Variants in GPATCH2L observed in about 807,000 individuals in gnomAD.
GPATCH2L encodes the protein G-patch domain containing 2 like, also known as G patch domain-containing protein 2-like.
GPATCH2L carries 31 observed loss-of-function variants against 57.4 expected under a neutral mutation model. The ratio of observed to expected loss-of-function variants is 0.54; its 90% CI spans 0.41 to 0.73. The LOEUF is 0.73. Among genes scored for constraint, GPATCH2L ranks in the 30% least tolerant of loss-of-function variants. The probability of loss-of-function intolerance (pLI) is 0.00; values close to 1 mark genes in which losing one functional copy is unlikely to be tolerated. For missense variants in GPATCH2L, 481 were observed against 599.9 expected, an observed-to-expected ratio of 0.80 and a Z score of 2.07; for synonymous variants, 199 against 210.7, an observed-to-expected ratio of 0.94 and a Z score of 0.48.
chr14:76,166,385 G>A (rs1393710146), intron 2 of GPATCH2L, among the ~76,000 whole-genome samples: 2 of 152,170 alleles, frequency 1.3e-5, no homozygotes, highest in Non-Finnish European at 2.9e-5. Context: ...TTGAGATTAC[G>A]TCTTTGAGCT....
chr14:76,223,522 G>T (rs1176551227), intron 1 of GPATCH2L, among the ~76,000 whole-genome samples: 2 of 152,084 alleles, frequency 1.3e-5, no homozygotes, highest in African/African-American at 4.8e-5. Context: ...CTTGGATGAG[G>T]TAATGGTTTA....
intron 3 of GPATCH2L, among the ~76,000 whole-genome samples, chr14:76,168,533 T>C (rs1309956156): frequency 6.6e-6 from 1 of 152,212 alleles, no homozygotes; most frequent in Non-Finnish European, 1.5e-5. Context: ...GGTTTACATC[T>C]ACTCAGTGTA....
chr14:76,228,532 C>T lies in GPATCH2L; in HGVS notation c.66-1276C>T, dbSNP rs1310822626. Among the ~76,000 whole-genome samples the T allele has an allele frequency of 2.6e-5, 4 of 152,176 alleles. No individual in the cohort carries two copies. The South Asian group carries it at 6.2e-4, about 24-fold the overall frequency. On this transcript the variant is annotated intron_variant and NMD_transcript_variant, in intron 1 of 3. Transcript: ENST00000556372. ...TTTGAGATTAGCGTTCTGTGGGTTG[C>T]ATCTGTAATAAGTCAGACAAGGGTT...
intron 2 of GPATCH2L, among the ~76,000 whole-genome samples, chr14:76,158,434 C>T (rs2038413487): frequency 6.6e-6 from 1 of 152,228 alleles, no homozygotes; most frequent in Non-Finnish European, 1.5e-5. Flanking sequence ...CATCACCTCT[C>T]ACTTTAACTC....
At chr14:76,188,682 T>G (rs1192604155) in intron 8 of GPATCH2L, among the ~76,000 whole-genome samples, 1 of 152,178 alleles carries the variant, frequency 6.6e-6, no homozygotes, top group Non-Finnish European at 1.5e-5. Flanking sequence ...GATTGTTTCC[T>G]TTGCTGTGCA....
At chr14:76,158,186 C>T (rs1408212499) in intron 2 of GPATCH2L, among the ~76,000 whole-genome samples, 1 of 152,000 alleles carries the variant, frequency 6.6e-6, no homozygotes, top group Non-Finnish European at 1.5e-5. Context: ...ATTCAGGAGC[C>T]TTCCTAAGGT....
chr14:76,154,869 C>T lies in GPATCH2L; in HGVS notation c.506C>T (p.Ser169Phe), dbSNP rs779973670. The change falls in exon 2 of 10, where the codon TCC (serine) becomes TTC (phenylalanine). Residue 169 changes from serine to phenylalanine, a missense_variant. Around this residue, in one of 3 missense-constraint regions of GPATCH2L, gnomAD observed 208 missense variants for 272.4 expected, o/e 0.76. Coordinates refer to ENST00000261530, the MANE Select transcript of GPATCH2L (RefSeq NM_017926.4). The surrounding 1 kb of genome is among the most constrained non-coding windows in gnomAD (Gnocchi z 4.4). Reference sequence around the variant, plus strand: ...AAGTCTGCTAAGAAGCAGCGTCTGTCCCGCTGGAAGGAGAATACTCCCTGG... The same window carrying T: ...AAGTCTGCTAAGAAGCAGCGTCTGTTCCGCTGGAAGGAGAATACTCCCTGG... ...RFKSAKKQRL[S>F]RWKENTPWTS... The T allele has an allele frequency of 1.9e-6, 3 of 1,614,170 alleles. No individual in the cohort carries two copies. In the Admixed American group the frequency reaches 5.0e-5, roughly 27 times the overall value.
Position 76,154,891 on chromosome 14 carries a change from C to T in GPATCH2L, c.528C>T (p.Pro176=), listed in dbSNP as rs1395941584. 6.2e-7 allele frequency: 1 copy of T among 1,614,182 alleles called. No individual in the cohort carries two copies. The highest frequency in any genetic ancestry group is 8.5e-7 in the Non-Finnish European group (1 of 1,179,998). The change falls in exon 2 of 10, where the codon CCC becomes CCT. Residue 176 remains proline (P), a synonymous_variant. Transcript: ENST00000261530. The surrounding 1 kb of genome is among the most constrained non-coding windows in gnomAD (Gnocchi z 4.4). ...TGTCCCGCTGGAAGGAGAATACTCC[C>T]TGGACCTCATCAGGCCACGGATTGT... ...QRLSRWKENT[P]WTSSGHGLCE...
chr14:76,158,940 T>C (rs2038441052), intron 2 of GPATCH2L, among the ~76,000 whole-genome samples: 1 of 152,118 alleles, frequency 6.6e-6, no homozygotes, highest in Non-Finnish European at 1.5e-5. Flanking sequence ...AAAGAAATAT[T>C]GGGATTGTTC....
intron 7 of GPATCH2L, 164 bp downstream of exon 7, chr14:76,178,206 A>G: frequency 6.8e-7 from 1 of 1,475,868 alleles, no homozygotes; most frequent in South Asian, 1.2e-5. Flanking sequence ...TTTTTATTTT[A>G]GTTTTGAACT....
intron 2 of GPATCH2L, among the ~76,000 whole-genome samples, chr14:76,158,865 A>G (rs1281635644): frequency 1.3e-5 from 2 of 152,204 alleles, no homozygotes; most frequent in South Asian, 2.1e-4. Context: ...TCGATATGAT[A>G]CTATTGTACT....
At chr14:76,155,703 A>G (rs1270873007) in intron 2 of GPATCH2L, among the ~76,000 whole-genome samples, 3 of 152,174 alleles carry the variant, frequency 2.0e-5, no homozygotes, top group African/African-American at 7.2e-5. Context: ...TATTTTTTAC[A>G]TCTCAGATAG....
At chr14:76,216,947 G>A (rs2040492559), downstream of GPATCH2L, among the ~76,000 whole-genome samples, 1 of 152,092 alleles carries the variant, frequency 6.6e-6, no homozygotes, top group Admixed American at 6.6e-5. Flanking sequence ...TAAAAATGAA[G>A]GGTGTTGAGA....
chr14:76,177,966 C>T, intron 6 of GPATCH2L, 22 bp from the exon 7 acceptor site: 1 of 1,602,008 alleles, frequency 6.2e-7, no homozygotes. Flanking sequence ...TTTATTTTAT[C>T]ATTTGGTTTC....
At position 76,201,768 on chromosome 14, in the gene GPATCH2L, A is replaced by G; in HGVS notation, c.1366A>G (p.Thr456Ala). The change falls in exon 10 of 10, where the codon ACC becomes GCC. Residue 456 changes from threonine (T) to alanine (A), a missense_variant. By Grantham distance (58) the Thr-to-Ala change is moderately conservative (BLOSUM62 0). Coordinates refer to ENST00000261530, the MANE Select transcript of GPATCH2L (RefSeq NM_017926.4). Reference protein sequence around the residue: ...KSPSSEWLVRTSAAEKATDAT... With the variant: ...KSPSSEWLVRASAAEKATDAT... The stretch of plus-strand genomic sequence containing the variant: ...ACCCAGCTCTGAGTGGTTGGTGAGG[A>G]CCTCTGCAGCAGAGAAAGCCACAGA... The G allele has an allele frequency of 6.2e-7, 1 of 1,614,006 alleles. No homozygotes were observed. Among genetic ancestry groups the G allele is most frequent in the South Asian group, 1.1e-5 (1 of 91,072 alleles).
intron 6 of GPATCH2L, among the ~76,000 whole-genome samples, chr14:76,177,320 A>G (rs1353323105): frequency 6.6e-6 from 1 of 152,182 alleles, no homozygotes; most frequent in Non-Finnish European, 1.5e-5. Context: ...TGTTGGGATT[A>G]CAGGTGTGAG....
chr14:76,164,370 T>A (rs1440550411), intron 2 of GPATCH2L, among the ~76,000 whole-genome samples: 1 of 152,100 alleles, frequency 6.6e-6, no homozygotes, highest in East Asian at 1.9e-4. Context: ...TCACTAAATA[T>A]CAGTAGTTCA....
intron 2 of GPATCH2L, chr14:76,234,607 G>A (rs1427686073): frequency 6.6e-6 from 1 of 152,268 alleles, no homozygotes; most frequent in African/African-American, 2.4e-5. Context: ...GCTGAGGGTA[G>A]ACTCCAGCAA....
intron 8 of GPATCH2L, among the ~76,000 whole-genome samples, chr14:76,193,957 T>C (rs548121646): frequency 7.2e-5 from 11 of 152,292 alleles, no homozygotes; most frequent in African/African-American, 1.9e-4. Context: ...TCAAGTCTTA[T>C]GTTTGTGGAA....
Sources: gnomAD v4.1 joint callset for allele counts (sites outside exome capture counted in the v4.1 genomes callset) on GRCh38, gnomAD v4.1.1 for gene constraint, gnomAD v4.1.1 regional missense constraint, Gnocchi (gnomAD v3.1) non-coding constraint, MANE v1.5 for transcripts, NCBI Gene and HGNC (gene_info 2026-07-23, HGNC 2026-07-21) for gene names.